The following VXN variants were observed in gnomAD, a reference collection of about 807,000 sequenced individuals.
VXN encodes uncharacterized protein C8orf46.
Under a neutral mutation model 23.1 loss-of-function variants are expected in VXN, and 7 were observed. The observed-to-expected ratio is 0.30, with a 90% CI of 0.17 to 0.57. The LOEUF is 0.57. Ranked by LOEUF, VXN falls within the 20% of genes least tolerant of loss-of-function variation. The pLI is 0.91. For synonymous variants in VXN, 120 were observed against 105.8 expected, an observed-to-expected ratio of 1.13 and a Z score of -0.83; for missense variants, 238 against 272.6, an observed-to-expected ratio of 0.87 and a Z score of 0.89.
At chr8:66,511,602 CA>C (rs1450158123) in intron 4 of VXN, among the ~76,000 whole-genome samples, 2 of 152,192 alleles carry the variant, frequency 1.3e-5, no homozygotes, top group East Asian at 1.9e-4. Context: ...AGAGAAAAAG[CA>C]AGGTCAAGAG....
At chr8:66,500,366 G>A (rs977790161) in intron 2 of VXN, among the ~76,000 whole-genome samples, 1 of 152,084 alleles carries the variant, frequency 6.6e-6, no homozygotes, top group African/African-American at 2.4e-5. Context: ...CATCAATGTT[G>A]TTAGTCTTTG....
At chr8:66,497,807 G>T (rs1807642699) in intron 2 of VXN, among the ~76,000 whole-genome samples, 1 of 152,122 alleles carries the variant, frequency 6.6e-6, no homozygotes, top group Admixed American at 6.5e-5. Context: ...CAGAAGGTTA[G>T]CTAGAGCCCA....
chr8:66,507,647 A>G (rs1807774317), intron 3 of VXN, among the ~76,000 whole-genome samples: 1 of 152,188 alleles, frequency 6.6e-6, no homozygotes. Flanking sequence ...AAGTTATGAT[A>G]TGGAGAGAAT....
chr8:66,498,605 TTG>T lies in VXN; in HGVS notation c.126+2129_126+2130del, dbSNP rs149331151. 1.4e-4 allele frequency among the ~76,000 whole-genome samples: 21 copies of T among 151,122 alleles called. No individual in the cohort carries two copies. The South Asian group carries it at 1.9e-3, about 14-fold the overall frequency. On this transcript the variant is annotated intron_variant, in intron 2 of 5. Transcript: ENST00000305454. ...TGTATCACTATATCCTTTAAATCTT[TTG>T]TGTGTGTGTGTGTGTCCTTTAAATC... is the stretch of plus-strand genomic sequence containing the variant.
chr8:66,496,829 C>T (rs900954901), intron 2 of VXN, among the ~76,000 whole-genome samples: 6 of 151,960 alleles, frequency 3.9e-5, no homozygotes, highest in African/African-American at 1.2e-4. Flanking sequence ...TGTTGGCATT[C>T]GTAATGTTCC....
chr8:66,496,115 G>C (rs923441076), intron 1 of VXN, among the ~76,000 whole-genome samples: 3 of 152,198 alleles, frequency 2.0e-5, no homozygotes, highest in Non-Finnish European at 4.4e-5. Flanking sequence ...GTTCATCCAT[G>C]TGTGGCATGT....
intron 3 of VXN, among the ~76,000 whole-genome samples, chr8:66,507,363 G>A (rs1208584334): frequency 6.6e-6 from 1 of 152,178 alleles, no homozygotes; most frequent in Non-Finnish European, 1.5e-5. Context: ...CCTGAACGTA[G>A]AGAGCCTCTG....
rs775703098 is a variant in VXN at position 66,510,150 on chromosome 8, A to T, written c.335A>T (p.Lys112Ile). Residue 112 changes from lysine (K) to isoleucine (I), a missense_variant, in exon 4 of 6, where the codon AAA becomes ATA. Physicochemically the swap from Lys to Ile is moderately radical, Grantham distance 102. Around this residue, in one of 2 missense-constraint regions of VXN, gnomAD observed 223 missense variants for 236.9 expected, o/e 0.94. Transcript: ENST00000305454. ...SNLCGNRAYG[K>I]SLIPPVPRIS... ...CTGTGTGGGAATCGAGCATATGGAA[A>T]ATCTCTGGTAAGTAAAATAAGCCTG... The T allele has an allele frequency of 6.0e-5, 97 of 1,611,664 alleles. No individual in the cohort carries two copies. The highest frequency in any genetic ancestry group is 7.8e-5 in the Non-Finnish European group (92 of 1,178,962).
intron 4 of VXN, among the ~76,000 whole-genome samples, chr8:66,510,788 A>G (rs1807812909): frequency 6.6e-6 from 1 of 152,140 alleles, no homozygotes. Context: ...GATACCTGGC[A>G]TCTCTTCCTT....
At chr8:66,500,337 CT>C (rs1356573613) in intron 2 of VXN, among the ~76,000 whole-genome samples, 1 of 152,162 alleles carries the variant, frequency 6.6e-6, no homozygotes, top group Non-Finnish European at 1.5e-5. Context: ...TCCAGAACAG[CT>C]GAGCCTATAC....
intron 4 of VXN, among the ~76,000 whole-genome samples, chr8:66,511,958 C>G (rs1381958907): frequency 6.6e-6 from 1 of 150,934 alleles, no homozygotes; most frequent in Admixed American, 6.6e-5. Context: ...CCCAGCTACT[C>G]GGGAGGCTGA....
chr8:66,513,361 G>T (rs894336604), intron 4 of VXN, among the ~76,000 whole-genome samples, 179 bp from the exon 5 acceptor site: 1 of 152,182 alleles, frequency 6.6e-6, no homozygotes, highest in African/African-American at 2.4e-5. Context: ...CAGAAGCTGG[G>T]GTGGGGCCTG....
chr8:66,500,896 CAG>C (rs1046052783), intron 2 of VXN, among the ~76,000 whole-genome samples: 1 of 119,842 alleles, frequency 8.3e-6, no homozygotes, highest in African/African-American at 3.3e-5. Context: ...TTTTTTGAGA[CAG>C]AGTCTCACTT....
intron 2 of VXN, chr8:66,498,726 G>A (rs1390232884): frequency 2.5e-6 from 1 of 400,698 alleles, no homozygotes; most frequent in African/African-American, 2.0e-5. Context: ...CCCGGGAGGG[G>A]ATATGCAGAT....
chr8:66,493,616 A>C lies in VXN; in HGVS notation c.-33A>C, dbSNP rs893755189. 1.2e-5 allele frequency: 19 copies of C among 1,600,948 alleles called. No individual in the cohort carries two copies. The African/African-American group carries it at 1.7e-4, about 15-fold the overall frequency. ...TAGGGGTCCAGAGACAGAGGCCTCC[A>C]GTTCCCAGGCACTTCGGGAAGAGGA... is the stretch of plus-strand genomic sequence containing the variant. On this transcript the variant is annotated 5_prime_UTR_variant, in exon 1 of 6. Transcript: ENST00000305454.
chr8:66,511,214 G>A (rs529368769), intron 4 of VXN, among the ~76,000 whole-genome samples: 1 of 152,298 alleles, frequency 6.6e-6, no homozygotes, highest in African/African-American at 2.4e-5. Context: ...GGGCAGGAAT[G>A]TCGGGTTCCC....
intron 5 of VXN, 140 bp downstream of exon 5, chr8:66,513,777 T>C: frequency 3.2e-6 from 2 of 618,940 alleles, no homozygotes. Context: ...AATTATCTTT[T>C]AATGAGGCCA....
chr8:66,516,087 C>A lies in VXN; in HGVS notation c.*11C>A. ...TTTGAGGCCGACTAAAGGTGACCCTCTTCAAGTGCCCTGTGTTGGCCAAGG... is the reference window on the plus strand; with the variant it reads ...TTTGAGGCCGACTAAAGGTGACCCTATTCAAGTGCCCTGTGTTGGCCAAGG... On this transcript the variant is annotated 3_prime_UTR_variant, in exon 6 of 6. Coordinates refer to ENST00000305454, the MANE Select transcript of VXN (RefSeq NM_152765.4). 1 of 1,595,090 alleles carries A rather than the reference C, an allele frequency of 6.3e-7. No homozygotes were observed. Among genetic ancestry groups the A allele is most frequent in the East Asian group, 2.3e-5 (1 of 44,424 alleles).
At chr8:66,512,830 C>T (rs1807839880) in intron 4 of VXN, among the ~76,000 whole-genome samples, 1 of 152,084 alleles carries the variant, frequency 6.6e-6, no homozygotes, top group African/African-American at 2.4e-5. Context: ...GAGAAGGGAG[C>T]ACCCGCTGCT....
Sources: gnomAD v4.1 joint callset for allele counts (sites outside exome capture counted in the v4.1 genomes callset) on GRCh38, gnomAD v4.1.1 for gene constraint, gnomAD v4.1.1 regional missense constraint, MANE v1.5 for transcripts, NCBI Gene and HGNC (gene_info 2026-07-23, HGNC 2026-07-21) for gene names.